Variants in CSNK1D observed in about 807,000 individuals in gnomAD.
CSNK1D encodes the protein casein kinase I isoform delta.
Under a neutral mutation model 46.6 loss-of-function variants are expected in CSNK1D, and 16 were observed. The ratio of observed to expected loss-of-function variants is 0.34; its 90% CI spans 0.23 to 0.52. The LOEUF (loss-of-function observed/expected upper bound fraction) is 0.52. CSNK1D is among the 20% of genes least tolerant of loss of function. The pLI, the probability that CSNK1D is intolerant of heterozygous loss-of-function variation, is 0.95. For missense variants in CSNK1D, 398 were observed against 578.4 expected, an observed-to-expected ratio of 0.69 and a Z score of 3.20; for synonymous variants, 276 against 228.2, an observed-to-expected ratio of 1.21 and a Z score of -1.89.
At chr17:82,244,890 GATACCACA>G in intron 8 of CSNK1D, 59 bp from the exon 9 acceptor site, 2 of 1,610,164 alleles carry the variant, frequency 1.2e-6, no homozygotes, top group Non-Finnish European at 1.7e-6. Flanking sequence ...CGGCCAGGCA[GATACCACA>G]GTGACGGTGC....
chr17:82,265,785 C>T lies in CSNK1D; in HGVS notation c.88G>A (p.Ala30Thr). ...FGDIYLGTDI[A>T]AGEEVAIKLE... Reference sequence around the variant, plus strand: ...TTGATGGCAACCTCTTCTCCTGCAGCAATGTCCGTACCTTGGCAAAGAAAG... The same window carrying T: ...TTGATGGCAACCTCTTCTCCTGCAGTAATGTCCGTACCTTGGCAAAGAAAG... The change falls in exon 2 of 9, where the codon GCT becomes ACT. Residue 30 changes from alanine (A) to threonine (T), a missense_variant. Ala to Thr is a moderately conservative substitution (Grantham distance 58, BLOSUM62 0). Around this residue, in one of 2 missense-constraint regions of CSNK1D, gnomAD observed 217 missense variants for 370.3 expected, o/e 0.59. Coordinates refer to ENST00000314028, the MANE Select transcript of CSNK1D (RefSeq NM_001893.6). The T allele has an allele frequency of 6.2e-7, 1 of 1,613,984 alleles. No homozygotes were observed. The highest frequency in any genetic ancestry group is 1.1e-5 in the South Asian group (1 of 91,084).
At chr17:82,271,175 A>G (rs2051613645) in intron 1 of CSNK1D, among the ~76,000 whole-genome samples, 1 of 152,174 alleles carries the variant, frequency 6.6e-6, no homozygotes, top group Non-Finnish European at 1.5e-5. Flanking sequence ...TCCCAGGTTC[A>G]AGCAATTCTC....
chr17:82,247,325 C>T lies in CSNK1D; in HGVS notation c.1197+1550G>A, dbSNP rs935239086. On this transcript the variant is annotated intron_variant, in intron 8 of 8. Coordinates refer to ENST00000314028, the MANE Select transcript of CSNK1D (RefSeq NM_001893.6). ...GGCTACAACAGCCACACCCAGGTGC[C>T]GCCAAGGCCGTGTACCGAGAAAAGG... The T allele has an allele frequency of 2.5e-5, 25 of 985,434 alleles. 1 individual carries two copies. The Middle Eastern group carries it at 2.6e-3, about 103-fold the overall frequency. The allele number at this position is 985,434 out of a possible 1,614,324, so 61.0% of individuals were successfully genotyped here. A position where few individuals can be genotyped will look rare whatever the true frequency, so the allele number is the denominator to read the frequency against.
At position 82,248,357 on chromosome 17, in the gene CSNK1D, C is replaced by A; in HGVS notation, c.1197+518G>T. The A allele has an allele frequency of 1.0e-6, 1 of 998,888 alleles. No individual in the cohort carries two copies. The highest frequency in any genetic ancestry group is 1.2e-6 in the Non-Finnish European group (1 of 837,250). 61.9% of individuals were successfully genotyped at this position (998,888 alleles called of 1,614,324 possible). On this transcript the variant is annotated intron_variant, in intron 8 of 8. Coordinates refer to ENST00000314028, the MANE Select transcript of CSNK1D (RefSeq NM_001893.6). The surrounding 1 kb of genome is among the most constrained non-coding windows in gnomAD (Gnocchi z 4.1). The stretch of plus-strand genomic sequence containing the variant: ...CTGGGCTGCGCAACAGGGTACTTCT[C>A]GTCCAAGGGAAGACAGGTGAGGCCG...
rs1321900511 is a variant in CSNK1D at position 82,249,915 on chromosome 17, T to C, written c.886-313A>G. ...GCTACCCCCTGCTGCTCTGTGAACA[T>C]GCTCACTAACACGTGCAGAAAGAGG... On this transcript the variant is annotated intron_variant, in intron 6 of 8. Transcript: ENST00000314028. The surrounding 1 kb of genome is among the most constrained non-coding windows in gnomAD (Gnocchi z 6.7). 33 of 1,327,270 alleles carry C rather than the reference T, an allele frequency of 2.5e-5. No individual in the cohort carries two copies. Among genetic ancestry groups the C allele is most frequent in the Non-Finnish European group, 2.9e-6 (3 of 1,030,372 alleles). The allele number at this position is 1,327,270 out of a possible 1,614,324, so 82.2% of individuals were successfully genotyped here.
At chr17:82,261,290 C>CA (rs2051333360) in intron 2 of CSNK1D, among the ~76,000 whole-genome samples, 1 of 151,844 alleles carries the variant, frequency 6.6e-6, no homozygotes, top group African/African-American at 2.4e-5. Flanking sequence ...GCTAGTCATC[C>CA]AGGGCCACCC....
At chr17:82,258,026 A>C (rs72854800) in intron 2 of CSNK1D, among the ~76,000 whole-genome samples, 8,564 of 152,046 alleles carry the variant, frequency 0.056, 363 homozygotes, top group Non-Finnish European at 0.088. Context: ...AAACATACTG[A>C]GACCCCCGTC....
At chr17:82,260,471 G>GTGATGTGACTGATGGTGTACTGAC (rs1568575129) in intron 2 of CSNK1D, among the ~76,000 whole-genome samples, 2 of 146,020 alleles carry the variant, frequency 1.4e-5, no homozygotes, top group African/African-American at 5.1e-5. Flanking sequence ...GGTGTACTGA[G>GTGATGTGACTGATGGTGTACTGAC]TGATGTGACT....
chr17:82,261,284 G>C (rs559391015), intron 2 of CSNK1D, among the ~76,000 whole-genome samples: 1 of 152,166 alleles, frequency 6.6e-6, no homozygotes, highest in South Asian at 2.1e-4. Flanking sequence ...AAGTGTGCTA[G>C]TCATCCAGGG....
intron 8 of CSNK1D, chr17:82,246,904 A>G: frequency 1.0e-6 from 1 of 985,636 alleles, no homozygotes; most frequent in Non-Finnish European, 1.2e-6. Context: ...AGGCGCTCAG[A>G]GCAATTGAGC....
At chr17:82,239,712 G>C, downstream of CSNK1D, 1 of 369,198 alleles carries the variant, frequency 2.7e-6, no homozygotes, top group Non-Finnish European at 4.8e-6. Context: ...CTACGTGGTG[G>C]TTAGATGGGA....
chr17:82,268,219 A>C lies in CSNK1D; in HGVS notation c.77-2423T>G, dbSNP rs76577830. ...TCACCTGCTGGGCAGAAGCATCAAG[A>C]AGCAGAACACCAAGGTCTGTGCATT... On this transcript the variant is annotated intron_variant, in intron 1 of 8. Coordinates refer to ENST00000314028, the MANE Select transcript of CSNK1D (RefSeq NM_001893.6). Among the ~76,000 whole-genome samples, 596 of 152,286 alleles carry C rather than the reference A, an allele frequency of 3.9e-3. 2 individuals carry two copies. Among genetic ancestry groups the C allele is most frequent in the South Asian group, 0.028 (136 of 4,820 alleles).
rs981198102 is a variant in CSNK1D, at chr17:82,255,304, G to A, written c.336+125C>T. ...GCTGAGCCACTGCAGCCTCAAGGCT[G>A]AGGCTCAGCAAATTTCCATTTCCTC... On this transcript the variant is annotated intron_variant, in intron 3 of 8. Transcript: ENST00000314028. This position sits in a 1 kb window ranked among gnomAD's most constrained non-coding sequence, Gnocchi z 5.9. The A allele has an allele frequency of 2.1e-5, 25 of 1,206,288 alleles. No homozygotes were observed. Among genetic ancestry groups the A allele is most frequent in the Non-Finnish European group, 2.7e-5 (22 of 822,346 alleles). 74.7% of individuals were successfully genotyped at this position (1,206,288 alleles called of 1,614,324 possible). A position where few individuals can be genotyped will look rare whatever the true frequency, so the allele number is the denominator to read the frequency against.
At chr17:82,242,427 C>T (rs528693200), downstream of CSNK1D, among the ~76,000 whole-genome samples, 16 of 152,174 alleles carry the variant, frequency 1.1e-4, no homozygotes, top group Non-Finnish European at 1.8e-4. Flanking sequence ...ACAGAAAGTG[C>T]GTGGACTTCT....
At position 82,249,945 on chromosome 17, in the gene CSNK1D, GGACAGGAACCATCGGAGGCCAAA is replaced by G. The variant is rs1568559652; in HGVS notation, c.886-366_886-344del. ...ACTAACACGTGCAGAAAGAGGAGAG[GGACAGGAACCATCGGAGGCCAAA>G]GACAGGCCCCAAATGGTGACAGCTG... On this transcript the variant is annotated intron_variant, in intron 6 of 8. Transcript: ENST00000314028. This position sits in a 1 kb window ranked among gnomAD's most constrained non-coding sequence, Gnocchi z 6.7. 3 of 1,273,220 alleles carry G rather than the reference GGACAGGAACCATCGGAGGCCAAA, an allele frequency of 2.4e-6. No homozygotes were observed. The highest frequency in any genetic ancestry group is 6.4e-5 in the Admixed American group (2 of 31,014). 78.9% of individuals were successfully genotyped at this position (1,273,220 alleles called of 1,614,324 possible).
At chr17:82,263,862 C>G (rs1437319311) in intron 2 of CSNK1D, among the ~76,000 whole-genome samples, 2 of 152,224 alleles carry the variant, frequency 1.3e-5, no homozygotes, top group Non-Finnish European at 2.9e-5. Context: ...GAAGCCAGTC[C>G]ACCACCAAGG....
intron 2 of CSNK1D, among the ~76,000 whole-genome samples, chr17:82,261,768 T>C (rs879806825): frequency 7.2e-5 from 11 of 152,114 alleles, no homozygotes; most frequent in Non-Finnish European, 1.5e-4. Context: ...CTCGATACCG[T>C]ACATGTTACA....
chr17:82,262,192 G>A (rs1054541876), intron 2 of CSNK1D, among the ~76,000 whole-genome samples: 1 of 152,238 alleles, frequency 6.6e-6, no homozygotes, highest in Non-Finnish European at 1.5e-5. Flanking sequence ...ACAGGTGGGA[G>A]CATCTGGGGC....
Position 82,265,726 on chromosome 17 carries a change from G to A in CSNK1D, c.147C>T (p.Leu49=). 1 of 1,614,144 alleles carries A rather than the reference G, an allele frequency of 6.2e-7. No homozygotes were observed. The highest frequency in any genetic ancestry group is 8.5e-7 in the Non-Finnish European group (1 of 1,180,014). ...TCTTGTAGATTTTGCTCTCAATGTG[G>A]AGCTGAGGGTGTTTGGTTTTGACAC... ...LECVKTKHPQ[L]HIESKIYKMM... is the part of the protein sequence containing the mutation. The change falls in exon 2 of 9, where the codon CTC becomes CTT. Residue 49 remains leucine, a synonymous_variant. Coordinates refer to ENST00000314028, the MANE Select transcript of CSNK1D (RefSeq NM_001893.6).
Sources: gnomAD v4.1 joint callset for allele counts (sites outside exome capture counted in the v4.1 genomes callset) on GRCh38, gnomAD v4.1.1 for gene constraint, gnomAD v4.1.1 regional missense constraint, Gnocchi (gnomAD v3.1) non-coding constraint, MANE v1.5 for transcripts, NCBI Gene and HGNC (gene_info 2026-07-23, HGNC 2026-07-21) for gene names.